Variants in SPON1 observed in about 807,000 individuals in gnomAD.
The protein encoded by SPON1 is spondin-1.
In SPON1, 52 loss-of-function variants were observed where a neutral mutation model predicts 111.7. The observed-to-expected ratio is 0.47, with a 90% confidence interval of 0.37 to 0.59. SPON1 has a LOEUF of 0.59. Among genes scored for constraint, SPON1 ranks in the 20% least tolerant of loss-of-function variants. The probability of loss-of-function intolerance (pLI) is 0.00; values close to 1 mark genes in which losing one functional copy is unlikely to be tolerated. For synonymous variants in SPON1, 410 were observed against 395.8 expected (o/e 1.04, Z -0.43); for missense variants, 957 against 1,068.5 (o/e 0.90, Z 1.46).
At position 14,012,238 on chromosome 11, in the gene SPON1, T is replaced by C. The variant is rs80277819; in HGVS notation, c.346-29283T>C. Among the ~76,000 whole-genome samples the C allele has an allele frequency of 5.3e-3, 802 of 152,200 alleles. 9 individuals carry two copies. The highest frequency in any genetic ancestry group is 0.018 in the African/African-American group (740 of 41,518). ...CTGCTGGCTTCAGGGCCTCCTTGTGTCAAAAGTGATTGCAGCTCCAGACAA... is the reference window on the plus strand; with the variant it reads ...CTGCTGGCTTCAGGGCCTCCTTGTGCCAAAAGTGATTGCAGCTCCAGACAA... On this transcript the variant is annotated intron_variant, in intron 2 of 15. Coordinates refer to ENST00000576479, the MANE Select transcript of SPON1 (RefSeq NM_006108.4).
At chr11:14,134,042 C>CTTTTT (rs5789824) in intron 5 of SPON1, among the ~76,000 whole-genome samples, 2 of 142,036 alleles carry the variant, frequency 1.4e-5, no homozygotes, top group Non-Finnish European at 1.5e-5. Flanking sequence ...TTCTTTCTTT[C>CTTTTT]TTTTTTTTTT....
chr11:14,234,769 C>T (rs1283094148), intron 6 of SPON1, among the ~76,000 whole-genome samples: 6 of 152,218 alleles, frequency 3.9e-5, no homozygotes, highest in Admixed American at 1.3e-4. Context: ...TATCTACGGA[C>T]ATTATGCAAT....
intron 3 of SPON1, among the ~76,000 whole-genome samples, chr11:14,055,445 G>A (rs1848738062): frequency 6.6e-6 from 1 of 152,158 alleles, no homozygotes; most frequent in South Asian, 2.1e-4. Context: ...ACTCCTAAAA[G>A]GGTAGTCTTC....
rs1272764990 is a variant in SPON1, at chr11:14,267,099, T to C, written c.*1412T>C. Reference sequence around the variant, plus strand: ...GGTGAGACACATACAATGCTCTGAATACACTACGAATTTGTATTAAACACA... The same window carrying C: ...GGTGAGACACATACAATGCTCTGAACACACTACGAATTTGTATTAAACACA... On this transcript the variant is annotated 3_prime_UTR_variant, in exon 16 of 16. Transcript: ENST00000576479. 2 of 152,254 alleles carry C rather than the reference T, an allele frequency of 1.3e-5. No homozygotes were observed. Among genetic ancestry groups the C allele is most frequent in the African/African-American group, 4.8e-5 (2 of 41,468 alleles). The allele number at this position is 152,254 out of a possible 1,614,324, so 9.4% of individuals were successfully genotyped here. A position where few individuals can be genotyped will look rare whatever the true frequency, so the allele number is the denominator to read the frequency against.
intron 6 of SPON1, among the ~76,000 whole-genome samples, chr11:14,224,296 G>A (rs917013681): frequency 2.6e-5 from 4 of 152,106 alleles, no homozygotes; most frequent in African/African-American, 9.7e-5. Context: ...AGGGTACCTT[G>A]GAAGCACAGA....
intron 6 of SPON1, among the ~76,000 whole-genome samples, chr11:14,199,634 T>C (rs1160185519): frequency 6.6e-6 from 1 of 152,224 alleles, no homozygotes; most frequent in African/African-American, 2.4e-5. Flanking sequence ...AAGCTAACAA[T>C]GGCACCCTCC....
intron 6 of SPON1, among the ~76,000 whole-genome samples, chr11:14,200,680 T>A (rs1848451865): frequency 1.3e-5 from 2 of 152,040 alleles, no homozygotes; most frequent in Admixed American, 6.6e-5. Flanking sequence ...CTGGGCATGG[T>A]GGTGCATGCC....
chr11:14,221,207 A>G (rs1848677181), intron 6 of SPON1, among the ~76,000 whole-genome samples: 1 of 152,214 alleles, frequency 6.6e-6, no homozygotes, highest in Admixed American at 6.5e-5. Context: ...AGAGACAAAG[A>G]TGACTTAGTC....
Position 14,259,236 on chromosome 11 carries a change from C to A in SPON1, c.1493-44C>A. On this transcript the variant is annotated intron_variant, in intron 11 of 15. Transcript: ENST00000576479. This position sits in a 1 kb window ranked among gnomAD's most constrained non-coding sequence, Gnocchi z 5.0. ...CCCACCGCGCAGCCTGGCAGGCGCC[C>A]CTGCCACCGTGCACTGCTGCAGCGT... 6.5e-7 allele frequency: 1 copy of A among 1,528,456 alleles called. No individual in the cohort carries two copies. Among genetic ancestry groups the A allele is most frequent in the South Asian group, 1.2e-5 (1 of 80,154 alleles). The allele number at this position is 1,528,456 out of a possible 1,614,324, so 94.7% of individuals were successfully genotyped here. A position where few individuals can be genotyped will look rare whatever the true frequency, so the allele number is the denominator to read the frequency against.
chr11:14,048,962 G>A (rs1400606999), intron 3 of SPON1, among the ~76,000 whole-genome samples: 2 of 152,214 alleles, frequency 1.3e-5, no homozygotes, highest in Non-Finnish European at 2.9e-5. Flanking sequence ...TTAGGAAACA[G>A]TGGTTGGTAA....
chr11:14,128,993 C>A (rs1170540366), intron 5 of SPON1, among the ~76,000 whole-genome samples: 1 of 152,242 alleles, frequency 6.6e-6, no homozygotes, highest in Non-Finnish European at 1.5e-5. Flanking sequence ...CTGCACAGAC[C>A]AGCAGGGCCT....
At chr11:14,161,571 G>A (rs1213590424) in intron 6 of SPON1, among the ~76,000 whole-genome samples, 6 of 151,396 alleles carry the variant, frequency 4.0e-5, no homozygotes, top group Admixed American at 1.3e-4. Context: ...CACCCACCTC[G>A]GCCTCCCAGT....
chr11:13,987,866 G>T (rs1276686921), intron 2 of SPON1, among the ~76,000 whole-genome samples: 1 of 152,154 alleles, frequency 6.6e-6, no homozygotes, highest in South Asian at 2.1e-4. Context: ...GGTTGTAGTT[G>T]TGTGGTATTA....
intron 5 of SPON1, among the ~76,000 whole-genome samples, chr11:14,080,751 A>G (rs1848956396): frequency 6.6e-6 from 1 of 152,140 alleles, no homozygotes; most frequent in Non-Finnish European, 1.5e-5. Context: ...ATTAGTCAGC[A>G]TGCCTTTTTT....
Position 14,176,940 on chromosome 11 carries a change from G to A in SPON1, c.825+41372G>A, listed in dbSNP as rs572563353. 5.3e-5 allele frequency among the ~76,000 whole-genome samples: 8 copies of A among 152,292 alleles called. No individual in the cohort carries two copies. The East Asian group carries it at 1.5e-3, about 29-fold the overall frequency. ...TTCAAGACAGGGAAATTGCAACAGA[G>A]AAAGAGAAATTCATGCAGATCCTGC... On this transcript the variant is annotated intron_variant, in intron 6 of 15. Transcript: ENST00000576479.
intron 1 of SPON1, among the ~76,000 whole-genome samples, chr11:13,964,203 A>G (rs2133770328): frequency 6.6e-6 from 1 of 152,282 alleles, no homozygotes; most frequent in South Asian, 2.1e-4. Flanking sequence ...GGTAACCAGG[A>G]AGGGAAGCGA....
intron 6 of SPON1, among the ~76,000 whole-genome samples, chr11:14,209,538 T>C (rs1234053678): frequency 6.6e-6 from 1 of 152,192 alleles, no homozygotes; most frequent in Non-Finnish European, 1.5e-5. Flanking sequence ...TGTGTTAGTT[T>C]GCTGAGAATA....
intron 3 of SPON1, among the ~76,000 whole-genome samples, chr11:14,060,467 G>T (rs1830389): frequency 1.4e-3 from 207 of 152,252 alleles, no homozygotes; most frequent in Non-Finnish European, 2.4e-3. Context: ...CTTGAGCAAG[G>T]TACTTGATCC....
intron 6 of SPON1, among the ~76,000 whole-genome samples, chr11:14,225,593 G>T (rs782623037): frequency 6.6e-6 from 1 of 152,088 alleles, no homozygotes; most frequent in Admixed American, 6.5e-5. Context: ...AAAAATAATC[G>T]TCGTTTTTAT....
Sources: gnomAD v4.1 joint callset for allele counts (sites outside exome capture counted in the v4.1 genomes callset) on GRCh38, gnomAD v4.1.1 for gene constraint, Gnocchi (gnomAD v3.1) non-coding constraint, MANE v1.5 for transcripts, NCBI Gene and HGNC (gene_info 2026-07-23, HGNC 2026-07-21) for gene names.